NAV1: variants seen among roughly 807,000 people sequenced by gnomAD.
NAV1 encodes the protein neuron navigator 1, also known as pore membrane and/or filament interacting like protein 3.
In NAV1, 18 loss-of-function variants were observed where a neutral mutation model predicts 175.2. That is an observed-to-expected ratio of 0.10 (90% confidence interval 0.07 to 0.15). The LOEUF (loss-of-function observed/expected upper bound fraction) is 0.15, where lower values mean the gene tolerates loss of function less well. NAV1 is among the 10% of genes least tolerant of loss of function. The probability of loss-of-function intolerance (pLI) is 1.00; values close to 1 mark genes in which losing one functional copy is unlikely to be tolerated. For missense variants in NAV1, 1,731 were observed against 2,436.6 expected (o/e 0.71, Z 6.10); for synonymous variants, 897 against 978.7 (o/e 0.92, Z 1.56).
At chr1:201,823,397 CCT>C (rs1301035173) in exon 30 of NAV1, 10 of 147,900 alleles carry the variant, frequency 6.8e-5, no homozygotes, top group Admixed American at 1.4e-4. Flanking sequence ...TGTGTGTCTC[CCT>C]CTCTCACACA....
chr1:201,591,766 T>C (rs929636946), intron 2 of NAV1, among the ~76,000 whole-genome samples: 1 of 152,074 alleles, frequency 6.6e-6, no homozygotes, highest in African/African-American at 2.4e-5. Context: ...GTCCCTCTTC[T>C]GTGCCCCCCA....
chr1:201,578,471 C>G (rs1224065830), intron 1 of NAV1, among the ~76,000 whole-genome samples: 1 of 152,160 alleles, frequency 6.6e-6, no homozygotes, highest in African/African-American at 2.4e-5. Flanking sequence ...TTCTGTCTCT[C>G]CACTAGGCCT....
At chr1:201,610,050 G>T (rs1485064277) in intron 2 of NAV1, among the ~76,000 whole-genome samples, 2 of 152,166 alleles carry the variant, frequency 1.3e-5, no homozygotes, top group Non-Finnish European at 2.9e-5. Context: ...TGGAACAGAA[G>T]AAGGAGCAGA....
At chr1:201,730,303 G>A (rs1397900425) in intron 3 of NAV1, among the ~76,000 whole-genome samples, 1 of 152,244 alleles carries the variant, frequency 6.6e-6, no homozygotes, top group African/African-American at 2.4e-5. Flanking sequence ...TGAAGAAATT[G>A]GAACTCAGAT....
intron 7 of NAV1, among the ~76,000 whole-genome samples, chr1:201,784,569 A>AT (rs35341000): frequency 0.42 from 57,337 of 136,700 alleles, 11,953 homozygotes; most frequent in Middle Eastern, 0.5. Flanking sequence ...AATACGATCT[A>AT]TTTTTTTTTT....
At chr1:201,684,695 G>A (rs553191075) in intron 1 of NAV1, among the ~76,000 whole-genome samples, 1 of 151,942 alleles carries the variant, frequency 6.6e-6, no homozygotes, top group East Asian at 2.0e-4. Flanking sequence ...GGCTGGTCTC[G>A]AACTCCTGAC....
In NAV1 at chr1:201,808,281, C is replaced by A; in HGVS notation, c.3845+132C>A. ...CCTCTCCCTGGGCATATGAGACCAA[C>A]AGATGGACCTTTCTTCTCATGCTGA... On this transcript the variant is annotated intron_variant, in intron 18 of 29. Transcript: ENST00000367296. This position sits in a 1 kb window ranked among gnomAD's most constrained non-coding sequence, Gnocchi z 5.5. 1 of 1,381,776 alleles carries A rather than the reference C, an allele frequency of 7.2e-7. No homozygotes were observed. The highest frequency in any genetic ancestry group is 9.9e-7 in the Non-Finnish European group (1 of 1,011,240). 85.6% of individuals were successfully genotyped at this position (1,381,776 alleles called of 1,614,324 possible).
intron 1 of NAV1, among the ~76,000 whole-genome samples, chr1:201,544,744 T>A (rs1665619372): frequency 6.6e-6 from 1 of 152,218 alleles, no homozygotes; most frequent in Admixed American, 6.5e-5. Flanking sequence ...GCAGAATAAG[T>A]GTGATTGCCT....
At chr1:201,655,636 T>A (rs765442880) in intron 1 of NAV1, among the ~76,000 whole-genome samples, 1 of 152,210 alleles carries the variant, frequency 6.6e-6, no homozygotes, top group Non-Finnish European at 1.5e-5. Context: ...TGAAGGCAGG[T>A]CTTTGCTTCC....
At chr1:201,652,159 G>A (rs937795694) in intron 1 of NAV1, among the ~76,000 whole-genome samples, 1 of 150,810 alleles carries the variant, frequency 6.6e-6, no homozygotes. Flanking sequence ...CTGGGCATTT[G>A]TCCCCACCTC....
rs147786541 is a variant in NAV1, at chr1:201,625,839, C to G, written c.-101+2233C>G. On this transcript the variant is annotated intron_variant, in intron 1 of 29. Transcript: ENST00000367302. ...TCAGAACCTGACATTTTCCAAAGAGCTCAGAATTCTTCATTCAAATATTTT... is the reference window on the plus strand; with the variant it reads ...TCAGAACCTGACATTTTCCAAAGAGGTCAGAATTCTTCATTCAAATATTTT... Among the ~76,000 whole-genome samples the G allele has an allele frequency of 1.9e-4, 29 of 152,346 alleles. No homozygotes were observed. The East Asian group carries it at 4.6e-3, about 24-fold the overall frequency.
At chr1:201,670,460 G>T (rs1186939867) in intron 1 of NAV1, among the ~76,000 whole-genome samples, 1 of 142,374 alleles carries the variant, frequency 7.0e-6, no homozygotes, top group East Asian at 2.1e-4. Context: ...TATAAATTTT[G>T]AGCTCAGGAA....
intron 3 of NAV1, among the ~76,000 whole-genome samples, chr1:201,744,146 G>A (rs529499071): frequency 6.6e-6 from 1 of 152,224 alleles, no homozygotes; most frequent in East Asian, 1.9e-4. Flanking sequence ...TCCTCCCAAA[G>A]TGCTGGGATT....
chr1:201,680,797 T>C (rs765367658), intron 1 of NAV1, among the ~76,000 whole-genome samples: 8 of 151,900 alleles, frequency 5.3e-5, no homozygotes, highest in Non-Finnish European at 8.8e-5. Flanking sequence ...AGGGTGCTGC[T>C]CTAGCCTTTG....
At chr1:201,581,880 A>T (rs1666876975) in intron 1 of NAV1, among the ~76,000 whole-genome samples, 2 of 152,254 alleles carry the variant, frequency 1.3e-5, no homozygotes, top group East Asian at 1.9e-4. Context: ...GAATTTTTTT[A>T]AAAATGACCA....
chr1:201,562,391 T>C (rs1319059212), intron 1 of NAV1, among the ~76,000 whole-genome samples: 1 of 152,076 alleles, frequency 6.6e-6, no homozygotes, highest in Non-Finnish European at 1.5e-5. Context: ...ATTTCCGAAG[T>C]GGAGACATCT....
intron 1 of NAV1, among the ~76,000 whole-genome samples, chr1:201,581,276 A>G (rs1412710195): frequency 6.6e-6 from 1 of 152,110 alleles, no homozygotes; most frequent in Non-Finnish European, 1.5e-5. Context: ...TAATCTTGAG[A>G]GAGATTTAGG....
chr1:201,643,199 CTCCT>C (rs907337934), intron 2 of NAV1, among the ~76,000 whole-genome samples: 1 of 132,302 alleles, frequency 7.6e-6, no homozygotes, highest in Non-Finnish European at 1.5e-5. Flanking sequence ...TCCTTCCTTC[CTCCT>C]TCCTTCCCTT....
intron 22 of NAV1, 74 bp downstream of exon 26, chr1:201,809,611 C>T: frequency 7.2e-7 from 1 of 1,395,536 alleles, no homozygotes; most frequent in Non-Finnish European, 1.0e-6. Context: ...GAGACAGGGT[C>T]TCACTCTTGC....
Sources: gnomAD v4.1 joint callset for allele counts (sites outside exome capture counted in the v4.1 genomes callset) on GRCh38, gnomAD v4.1.1 for gene constraint, Gnocchi (gnomAD v3.1) non-coding constraint, MANE v1.5 for transcripts, NCBI Gene and HGNC (gene_info 2026-07-23, HGNC 2026-07-21) for gene names.